FBXO40: variants seen among roughly 807,000 people sequenced by gnomAD.
FBXO40 encodes the protein F-box only protein 40.
A neutral mutation model predicts 49.9 loss-of-function variants in FBXO40; 50 were observed. The ratio of observed to expected loss-of-function variants is 1.00; its 90% CI spans 0.80 to 1.27. The LOEUF (loss-of-function observed/expected upper bound fraction) is 1.27. FBXO40 is among the 50% of genes most tolerant of loss of function. FBXO40 has a pLI of 0.00. For missense variants in FBXO40, 895 were observed against 870.1 expected (o/e 1.03, Z -0.36); for synonymous variants, 340 against 320.2 (o/e 1.06, Z -0.66).
chr3:121,603,939 C>T (rs1416412461), intron 1 of FBXO40, among the ~76,000 whole-genome samples: 2 of 152,136 alleles, frequency 1.3e-5, no homozygotes, highest in African/African-American at 2.4e-5. Flanking sequence ...AGGACGGTCT[C>T]GATCTCTTGA....
intron 3 of FBXO40, 120 bp from the exon 4 acceptor site, chr3:121,626,575 A>G (rs1234392137): frequency 1.1e-6 from 1 of 889,572 alleles, no homozygotes; most frequent in South Asian, 1.5e-5. Flanking sequence ...AGGAGCCACT[A>G]AACACTCTGG....
At chr3:121,609,295 T>G (rs1190569526) in intron 1 of FBXO40, among the ~76,000 whole-genome samples, 1 of 151,974 alleles carries the variant, frequency 6.6e-6, no homozygotes, top group Non-Finnish European at 1.5e-5. Flanking sequence ...ATCTGAGCCT[T>G]GTGTGGTGAC....
chr3:121,596,891 A>G (rs887714268), intron 1 of FBXO40, among the ~76,000 whole-genome samples: 1 of 152,168 alleles, frequency 6.6e-6, no homozygotes, highest in African/African-American at 2.4e-5. Flanking sequence ...GTTCAGTTTA[A>G]TTCAGTTCAA....
Position 121,622,133 on chromosome 3 carries a change from CA to C in FBXO40, c.705del (p.Ala236ArgfsTer23). The C allele has an allele frequency of 6.2e-7, 1 of 1,614,170 alleles. No individual in the cohort carries two copies. Among genetic ancestry groups the C allele is most frequent in the Non-Finnish European group, 8.5e-7 (1 of 1,180,032 alleles). On this transcript the variant is annotated frameshift_variant, in exon 3 of 4. Transcript: ENST00000338040. LOFTEE classifies it high-confidence loss of function. ...GCAGCCTCTGCTTTAACAAATTCAT[CA>C]GCGAGCTGTGAGAGCAAGAACAAGA... ...EHAASALTNS[S>X]ASCESKNKND...
At chr3:121,608,121 C>A (rs947572403) in intron 1 of FBXO40, among the ~76,000 whole-genome samples, 3 of 152,312 alleles carry the variant, frequency 2.0e-5, no homozygotes, top group African/African-American at 7.2e-5. Flanking sequence ...TCTTTTAGTG[C>A]AGTGGCCTTG....
chr3:121,622,798 G>T lies in FBXO40; in HGVS notation c.1369G>T (p.Val457Leu), dbSNP rs138259890. ...LTAATPGGLH[V>L]ELHSECVTRR... ...CGCTGCCACCCCAGGGGGACTCCACGTGGAGCTCCACAGCGAGTGTGTGAC... is the reference window on the plus strand; with the variant it reads ...CGCTGCCACCCCAGGGGGACTCCACTTGGAGCTCCACAGCGAGTGTGTGAC... The change falls in exon 3 of 4, where the codon GTG becomes TTG. Residue 457 changes from valine to leucine, a missense_variant. Coordinates refer to ENST00000338040, the MANE Select transcript of FBXO40 (RefSeq NM_016298.4). 2.2e-5 allele frequency: 36 copies of T among 1,614,046 alleles called. No individual in the cohort carries two copies. Among genetic ancestry groups the T allele is most frequent in the Non-Finnish European group, 2.8e-5 (33 of 1,180,042 alleles).
At position 121,622,513 on chromosome 3, in the gene FBXO40, C is replaced by T. The variant is rs2049038795; in HGVS notation, c.1084C>T (p.Arg362Ter). ...TGTGAGCTACTGTGGAAAGCGAGCT[C>T]GACTTGGAGATGCCATGTTGAGTTG... Reference protein sequence around the residue: ...VPVSYCGKRARLGDAMLSCKP... With the variant: ...VPVSYCGKRA The change falls in exon 3 of 4, where the codon CGA (arginine) becomes TGA (stop). Residue 362 changes from arginine to a stop codon, truncating the protein, a stop_gained. Transcript: ENST00000338040. LOFTEE classifies it high-confidence loss of function. 3.7e-6 allele frequency: 6 copies of T among 1,614,092 alleles called. No individual in the cohort carries two copies. The East Asian group carries it at 1.1e-4, about 30-fold the overall frequency.
chr3:121,616,488 G>A (rs1049392451), intron 1 of FBXO40, among the ~76,000 whole-genome samples: 1 of 152,194 alleles, frequency 6.6e-6, no homozygotes, highest in Non-Finnish European at 1.5e-5. Context: ...TGTGGCTAAC[G>A]TGACTGAGAA....
At chr3:121,596,740 A>G (rs774122291) in intron 1 of FBXO40, among the ~76,000 whole-genome samples, 9 of 152,144 alleles carry the variant, frequency 5.9e-5, no homozygotes, top group Non-Finnish European at 1.2e-4. Context: ...TGAGGCCTAC[A>G]TTAACCTAAG....
intron 1 of FBXO40, among the ~76,000 whole-genome samples, chr3:121,598,980 A>G (rs1369261206): frequency 6.6e-6 from 1 of 152,192 alleles, no homozygotes; most frequent in Non-Finnish European, 1.5e-5. Context: ...CATTTAAACT[A>G]CGTCCAGCAC....
Position 121,623,116 on chromosome 3 carries a change from T to C in FBXO40, c.1687T>C (p.Leu563=), listed in dbSNP as rs200683705. 8.1e-6 allele frequency: 13 copies of C among 1,614,240 alleles called. No homozygotes were observed. Among genetic ancestry groups the C allele is most frequent in the Non-Finnish European group, 1.1e-5 (13 of 1,180,052 alleles). ...CGAGGGAAGGAAGAACAACCATCTT[T>C]TGGGTCATGGAGGAAAAAGCCAGAA... ...LSEGRKNNHL[L]GHGGKSQNSL... The change falls in exon 3 of 4, where the codon TTG becomes CTG. Residue 563 remains leucine (L), a synonymous_variant. Coordinates refer to ENST00000338040, the MANE Select transcript of FBXO40 (RefSeq NM_016298.4).
intron 1 of FBXO40, among the ~76,000 whole-genome samples, chr3:121,619,555 T>C (rs1373332764): frequency 6.6e-6 from 1 of 152,224 alleles, no homozygotes; most frequent in Non-Finnish European, 1.5e-5. Context: ...TAGTAAAATA[T>C]TTTGCATTGT....
At chr3:121,601,132 T>C (rs918860853) in intron 1 of FBXO40, among the ~76,000 whole-genome samples, 7 of 152,276 alleles carry the variant, frequency 4.6e-5, no homozygotes, top group East Asian at 1.9e-4. Context: ...CCAGGACAAA[T>C]TGGTCATCAC....
rs768773333 is a variant in FBXO40, at chr3:121,622,568, C to A, written c.1139C>A (p.Thr380Asn). ...CKPSEHKAVD[T>N]SDLGITVEDL... ...CCAAGTGAACACAAGGCAGTGGATA[C>A]TTCAGATTTGGGGATCACTGTGGAG... The change falls in exon 3 of 4, where the codon ACT becomes AAT. Residue 380 changes from threonine to asparagine, a missense_variant. Physicochemically the swap from Thr to Asn is moderately conservative, Grantham distance 65. Transcript: ENST00000338040. 1.2e-6 allele frequency: 2 copies of A among 1,614,192 alleles called. No individual in the cohort carries two copies. The highest frequency in any genetic ancestry group is 1.7e-6 in the Non-Finnish European group (2 of 1,180,040).
intron 3 of FBXO40, among the ~76,000 whole-genome samples, chr3:121,623,692 T>C (rs2049046797): frequency 6.6e-6 from 1 of 150,742 alleles, no homozygotes. Flanking sequence ...AAAGGCCTTT[T>C]TTTTTTTTTT....
intron 1 of FBXO40, among the ~76,000 whole-genome samples, chr3:121,611,743 AC>A (rs1208253814): frequency 2.6e-5 from 4 of 152,142 alleles, no homozygotes; most frequent in Admixed American, 6.5e-5. Context: ...ATGGGGAGAA[AC>A]CTTGGACAAT....
intron 1 of FBXO40, among the ~76,000 whole-genome samples, chr3:121,605,365 G>T (rs1055869373): frequency 1.3e-5 from 2 of 152,194 alleles, no homozygotes; most frequent in African/African-American, 4.8e-5. Context: ...AGTTCCTAAG[G>T]GATGCATATC....
chr3:121,611,147 C>T (rs965875117), intron 1 of FBXO40, among the ~76,000 whole-genome samples: 1 of 152,096 alleles, frequency 6.6e-6, no homozygotes, highest in Non-Finnish European at 1.5e-5. Flanking sequence ...TATTTCTAGT[C>T]GGGTGGGACG....
At chr3:121,616,290 T>C (rs1011776601) in intron 1 of FBXO40, among the ~76,000 whole-genome samples, 1 of 152,136 alleles carries the variant, frequency 6.6e-6, no homozygotes, top group Non-Finnish European at 1.5e-5. Flanking sequence ...TTCTCATTTA[T>C]TAATGTGCAT....
Sources: gnomAD v4.1 joint callset for allele counts (sites outside exome capture counted in the v4.1 genomes callset) on GRCh38, gnomAD v4.1.1 for gene constraint, MANE v1.5 for transcripts, NCBI Gene and HGNC (gene_info 2026-07-23, HGNC 2026-07-21) for gene names.